RAB3C: variants seen among roughly 807,000 people sequenced by gnomAD.
RAB3C encodes ras-related protein Rab-3C.
Under a neutral mutation model 26.4 loss-of-function variants are expected in RAB3C, and 17 were observed. The observed-to-expected ratio is 0.64, with a 90% confidence interval of 0.44 to 0.97. The LOEUF is 0.97. Ranked by LOEUF, RAB3C falls within the 50% of genes least tolerant of loss-of-function variation. The pLI, the probability that RAB3C is intolerant of heterozygous loss-of-function variation, is 0.00. For synonymous variants in RAB3C, 91 were observed against 95.9 expected (o/e 0.95, Z 0.30); for missense variants, 242 against 281.9 (o/e 0.86, Z 1.01).
chr5:58,826,284 A>G (rs1001209386), intron 4 of RAB3C, among the ~76,000 whole-genome samples: 1 of 152,156 alleles, frequency 6.6e-6, no homozygotes, highest in Non-Finnish European at 1.5e-5. Flanking sequence ...TGGTCTCTGA[A>G]GGAGAGTAGA....
Position 58,718,169 on chromosome 5 carries a change from G to C in RAB3C, c.253-7833G>C, listed in dbSNP as rs145046665. Among the ~76,000 whole-genome samples the C allele has an allele frequency of 5.4e-3, 821 of 152,172 alleles. 13 individuals carry two copies. Among genetic ancestry groups the C allele is most frequent in the African/African-American group, 0.019 (770 of 41,534 alleles). ...GTAATCAAAATCCCACTGGGAAAAA[G>C]TATGTCAAAAAGATTAATTAGAAGG... On this transcript the variant is annotated intron_variant, in intron 2 of 4. Transcript: ENST00000282878.
intron 3 of RAB3C, among the ~76,000 whole-genome samples, chr5:58,787,146 C>A (rs943877800): frequency 2.0e-5 from 3 of 152,218 alleles, no homozygotes; most frequent in Admixed American, 1.3e-4. Context: ...GGATGATACA[C>A]ACCTGCCCCA....
intron 2 of RAB3C, among the ~76,000 whole-genome samples, chr5:58,718,602 CA>C (rs1409360560): frequency 6.6e-6 from 1 of 151,920 alleles, no homozygotes; most frequent in Non-Finnish European, 1.5e-5. Flanking sequence ...TTTGGTATTT[CA>C]AAACTAAACA....
At chr5:58,833,295 G>C (rs2112069957) in intron 4 of RAB3C, among the ~76,000 whole-genome samples, 1 of 148,532 alleles carries the variant, frequency 6.7e-6, no homozygotes, top group South Asian at 2.2e-4. Context: ...CACCTAGGTA[G>C]CATTTTAAAA....
chr5:58,845,612 A>ATATATATATATATTTGTGTGTGTGTG, intron 4 of RAB3C, among the ~76,000 whole-genome samples: 2 of 81,726 alleles, frequency 2.4e-5, no homozygotes, highest in Admixed American at 1.2e-4. Context: ...ATATATATAT[A>ATATATATATATATTTGTGTGTGTGTG]TGTGTGTGTG....
chr5:58,673,652 G>T (rs1033278550), intron 2 of RAB3C, among the ~76,000 whole-genome samples: 2 of 152,292 alleles, frequency 1.3e-5, no homozygotes, highest in African/African-American at 4.8e-5. Flanking sequence ...CAAAATGTCA[G>T]TTACCCACAT....
intron 3 of RAB3C, among the ~76,000 whole-genome samples, chr5:58,736,978 C>G (rs1283257937): frequency 1.3e-5 from 2 of 152,068 alleles, no homozygotes; most frequent in African/African-American, 4.8e-5. Context: ...CTTGTCACCC[C>G]TCTGCTCCAA....
intron 2 of RAB3C, among the ~76,000 whole-genome samples, chr5:58,696,720 T>C (rs947879218): frequency 1.3e-5 from 2 of 152,228 alleles, no homozygotes; most frequent in African/African-American, 2.4e-5. Context: ...GAGATGTTTA[T>C]AGTATTCTCT....
intron 1 of RAB3C, among the ~76,000 whole-genome samples, chr5:58,616,192 A>G (rs1399977477): frequency 6.6e-6 from 1 of 152,172 alleles, no homozygotes; most frequent in Admixed American, 6.5e-5. Context: ...GCATTGTACA[A>G]TAGAGTTTTC....
At chr5:58,771,499 A>T (rs1428559893) in intron 3 of RAB3C, among the ~76,000 whole-genome samples, 1 of 152,024 alleles carries the variant, frequency 6.6e-6, no homozygotes, top group Non-Finnish European at 1.5e-5. Context: ...TGCTTAAAAA[A>T]CTCACATATA....
chr5:58,678,724 A>G (rs1561286873), intron 2 of RAB3C, among the ~76,000 whole-genome samples: 1 of 152,224 alleles, frequency 6.6e-6, no homozygotes, highest in Non-Finnish European at 1.5e-5. Flanking sequence ...TATTTTCTCT[A>G]CATTTTAACA....
intron 3 of RAB3C, among the ~76,000 whole-genome samples, chr5:58,746,187 G>A (rs559612859): frequency 1.1e-4 from 17 of 152,170 alleles, no homozygotes; most frequent in Non-Finnish European, 2.4e-4. Flanking sequence ...AATATAAACA[G>A]AAGGGTCTTT....
At chr5:58,843,485 A>G (rs1277645106) in intron 4 of RAB3C, among the ~76,000 whole-genome samples, 3 of 152,330 alleles carry the variant, frequency 2.0e-5, no homozygotes, top group Non-Finnish European at 4.4e-5. Flanking sequence ...CATTTCAGAG[A>G]AAAAACTCTT....
chr5:58,848,900 T>C (rs1443708750), intron 4 of RAB3C, among the ~76,000 whole-genome samples: 1 of 152,218 alleles, frequency 6.6e-6, no homozygotes, highest in East Asian at 1.9e-4. Flanking sequence ...GATGTCTCCT[T>C]CTCAGCATGC....
At chr5:58,603,397 C>T (rs62367850) in intron 1 of RAB3C, among the ~76,000 whole-genome samples, 2,401 of 152,182 alleles carry the variant, frequency 0.016, 137 homozygotes, top group Admixed American at 0.11. Context: ...CAATTATTCC[C>T]CCAAATATGT....
chr5:58,809,377 T>G (rs1359627119), intron 3 of RAB3C, among the ~76,000 whole-genome samples: 7 of 128,222 alleles, frequency 5.5e-5, no homozygotes, highest in Non-Finnish European at 8.3e-5. Flanking sequence ...TGAAAGCTCT[T>G]TTTCTCAGAA....
At chr5:58,590,685 G>T (rs796086552) in intron 1 of RAB3C, among the ~76,000 whole-genome samples, 3 of 152,114 alleles carry the variant, frequency 2.0e-5, no homozygotes, top group African/African-American at 7.2e-5. Flanking sequence ...TGGGAACACA[G>T]GCGCCCACCA....
intron 2 of RAB3C, among the ~76,000 whole-genome samples, chr5:58,685,096 T>A (rs1748416842): frequency 6.6e-6 from 1 of 152,192 alleles, no homozygotes; most frequent in Non-Finnish European, 1.5e-5. Context: ...TGACCCTAAC[T>A]TTCATGAGAC....
At chr5:58,604,826 G>T (rs1027778546) in intron 1 of RAB3C, among the ~76,000 whole-genome samples, 25 of 152,172 alleles carry the variant, frequency 1.6e-4, no homozygotes, top group African/African-American at 5.8e-4. Flanking sequence ...GTTCTGGCCA[G>T]GAAGATTTTT....
Sources: allele counts gnomAD v4.1 joint callset (sites outside exome capture counted in the v4.1 genomes callset), GRCh38; gene constraint gnomAD v4.1.1; transcripts MANE v1.5; gene names NCBI Gene and HGNC (gene_info 2026-07-23, HGNC 2026-07-21).